The following MCC variants were observed in gnomAD, a reference collection of about 807,000 sequenced individuals.
MCC encodes colorectal mutant cancer protein.
In MCC, 90 loss-of-function variants were observed where a neutral mutation model predicts 116.2. The observed-to-expected ratio is 0.77, with a 90% confidence interval of 0.65 to 0.92. The LOEUF is 0.92. MCC is among the 40% of genes least tolerant of loss of function. The pLI is 0.00. For missense variants in MCC, 1,516 were observed against 1,312.2 expected, an observed-to-expected ratio of 1.16 and a Z score of -2.40; for synonymous variants, 578 against 510.5, an observed-to-expected ratio of 1.13 and a Z score of -1.78.
intron 3 of MCC, among the ~76,000 whole-genome samples, chr5:113,162,338 G>A (rs1454465960): frequency 6.6e-6 from 1 of 152,124 alleles, no homozygotes; most frequent in African/African-American, 2.4e-5. Flanking sequence ...GTTCAGCTTT[G>A]GGTAACTCGT....
intron 5 of MCC, among the ~76,000 whole-genome samples, chr5:113,138,893 C>G (rs1759010119): frequency 6.6e-6 from 1 of 152,116 alleles, no homozygotes; most frequent in Non-Finnish European, 1.5e-5. Context: ...TCCCCTTCAT[C>G]CAGGGGACTC....
chr5:113,471,644 C>G (rs1026350541), intron 1 of MCC, among the ~76,000 whole-genome samples: 1 of 152,084 alleles, frequency 6.6e-6, no homozygotes, highest in Non-Finnish European at 1.5e-5. Context: ...GCAGTCTGCC[C>G]TTTCTCAGAT....
In MCC at chr5:113,292,151, G is replaced by A. The variant is rs528982745; in HGVS notation, c.627+48368C>T. ...GGAGACTGAGGTAAGAGAATCGCTT[G>A]AACCCGGGAGGCAGAGGTTGCAGTG... On this transcript the variant is annotated intron_variant, in intron 3 of 18. Transcript: ENST00000408903. Among the ~76,000 whole-genome samples the A allele has an allele frequency of 2.2e-4, 34 of 152,262 alleles. No homozygotes were observed. The Middle Eastern group carries it at 0.01, about 46-fold the overall frequency.
At chr5:113,148,683 T>A (rs187973873) in intron 4 of MCC, among the ~76,000 whole-genome samples, 14 of 152,232 alleles carry the variant, frequency 9.2e-5, no homozygotes, top group Non-Finnish European at 2.1e-4. Flanking sequence ...GTTCTTATAT[T>A]TTTCTTGCAT....
chr5:113,328,794 C>G (rs956539033), intron 3 of MCC, among the ~76,000 whole-genome samples: 1 of 152,030 alleles, frequency 6.6e-6, no homozygotes, highest in African/African-American at 2.4e-5. Flanking sequence ...TGTTTATGTC[C>G]CAGGCTATCC....
intron 3 of MCC, among the ~76,000 whole-genome samples, chr5:113,262,351 G>C (rs1164632176): frequency 6.6e-6 from 1 of 151,992 alleles, no homozygotes; most frequent in African/African-American, 2.4e-5. Flanking sequence ...CCTTGGCTTG[G>C]GTTTTATGAG....
chr5:113,150,047 T>C (rs1478282911), intron 4 of MCC, among the ~76,000 whole-genome samples: 2 of 152,172 alleles, frequency 1.3e-5, no homozygotes, highest in African/African-American at 4.8e-5. Flanking sequence ...GGCTAGTCCC[T>C]GTGAACTTTG....
At chr5:113,480,331 G>C (rs1274498532) in intron 1 of MCC, among the ~76,000 whole-genome samples, 2 of 152,186 alleles carry the variant, frequency 1.3e-5, no homozygotes, top group Admixed American at 1.3e-4. Context: ...TAATAACACA[G>C]TACATGGAAC....
chr5:113,102,688 G>A (rs570026843), intron 7 of MCC, among the ~76,000 whole-genome samples: 2 of 152,348 alleles, frequency 1.3e-5, no homozygotes, highest in African/African-American at 4.8e-5. Context: ...AAAGGAAGAA[G>A]TCATTCTGCT....
chr5:113,257,333 G>A (rs10519346), intron 3 of MCC, among the ~76,000 whole-genome samples: 16,438 of 152,008 alleles, frequency 0.11, 1,405 homozygotes, highest in Admixed American at 0.25. Context: ...AAGGAAATCA[G>A]GAGAGAGAGG....
chr5:113,450,008 T>C (rs1771342865), intron 1 of MCC, among the ~76,000 whole-genome samples: 1 of 152,184 alleles, frequency 6.6e-6, no homozygotes, highest in South Asian at 2.1e-4. Context: ...TTTGCACAAT[T>C]GCACAATGTA....
intron 15 of MCC, among the ~76,000 whole-genome samples, chr5:113,051,114 C>G (rs1412953110): frequency 6.6e-6 from 1 of 152,122 alleles, no homozygotes; most frequent in Non-Finnish European, 1.5e-5. Context: ...AACAACTAGT[C>G]CTAAACCTCA....
At chr5:113,295,005 A>G (rs1335797001) in intron 3 of MCC, 2 of 977,990 alleles carry the variant, frequency 2.0e-6, no homozygotes, top group African/African-American at 3.5e-5. Context: ...AGGCGGGGCT[A>G]GAGGGAGAAA....
chr5:113,481,537 G>A (rs897410912), intron 1 of MCC, among the ~76,000 whole-genome samples: 2 of 152,056 alleles, frequency 1.3e-5, no homozygotes, highest in African/African-American at 4.8e-5. Flanking sequence ...AGGAGTTCGA[G>A]ACCAGCCTGG....
At chr5:113,200,260 T>G (rs1384251775) in intron 3 of MCC, among the ~76,000 whole-genome samples, 1 of 152,128 alleles carries the variant, frequency 6.6e-6, no homozygotes, top group African/African-American at 2.4e-5. Context: ...GGTCTGTGAG[T>G]AGTAAACATC....
At chr5:113,336,218 A>G (rs534247026) in intron 3 of MCC, among the ~76,000 whole-genome samples, 1 of 151,830 alleles carries the variant, frequency 6.6e-6, no homozygotes, top group South Asian at 2.1e-4. Flanking sequence ...CCACCTCTTA[A>G]TACTGTTATA....
chr5:113,488,248 C>G lies in MCC; in HGVS notation c.167G>C (p.Ser56Thr), dbSNP rs896280205. ...TCDGDGDGYI[S>T]RNDLLMVCRQ... ...TTCCTCGTACCTCCCCGCGTACCTG[C>G]TGATGTATCCGTCCCCGTCGCCGTC... is the stretch of plus-strand genomic sequence containing the variant. Residue 56 changes from serine to threonine, a missense_variant, in exon 1 of 19, where the codon AGC (serine) becomes ACC (threonine). By Grantham distance (58) the Ser-to-Thr change is moderately conservative. Coordinates refer to ENST00000408903, the MANE Select transcript of MCC (RefSeq NM_001085377.2). The G allele has an allele frequency of 1.3e-6, 2 of 1,594,256 alleles. No homozygotes were observed. Among genetic ancestry groups the G allele is most frequent in the African/African-American group, 2.8e-5 (2 of 72,212 alleles).
At chr5:113,117,534 T>A (rs529175371) in intron 6 of MCC, among the ~76,000 whole-genome samples, 1 of 152,356 alleles carries the variant, frequency 6.6e-6, no homozygotes, top group Admixed American at 6.5e-5. Context: ...TAGTTTGATA[T>A]TGCTAAATTC....
At chr5:113,201,002 C>T (rs1762647196) in intron 3 of MCC, among the ~76,000 whole-genome samples, 1 of 152,100 alleles carries the variant, frequency 6.6e-6, no homozygotes, top group Admixed American at 6.5e-5. Context: ...TGGATGGAGA[C>T]CAAACAGTTA....
Sources: gnomAD v4.1 joint callset for allele counts (sites outside exome capture counted in the v4.1 genomes callset) on GRCh38, gnomAD v4.1.1 for gene constraint, MANE v1.5 for transcripts, NCBI Gene and HGNC (gene_info 2026-07-23, HGNC 2026-07-21) for gene names.